CDH4: variants seen among roughly 807,000 people sequenced by gnomAD.
CDH4 encodes the protein cadherin-4.
Under a neutral mutation model 86.0 loss-of-function variants are expected in CDH4, and 33 were observed. The ratio of observed to expected loss-of-function variants is 0.38; its 90% CI spans 0.29 to 0.51. The LOEUF is 0.51. Among genes scored for constraint, CDH4 ranks in the 20% least tolerant of loss-of-function variants. CDH4 has a pLI of 0.86. For synonymous variants in CDH4, 555 were observed against 549.4 expected (o/e 1.01, Z -0.14); for missense variants, 1,114 against 1,307.4 (o/e 0.85, Z 2.28).
intron 2 of CDH4, among the ~76,000 whole-genome samples, chr20:61,642,649 G>A (rs1488828831): frequency 6.6e-6 from 1 of 152,178 alleles, no homozygotes; most frequent in Non-Finnish European, 1.5e-5. Flanking sequence ...TTCCTATTGT[G>A]CTGTAACAAA....
intron 6 of CDH4, among the ~76,000 whole-genome samples, chr20:61,870,212 C>A (rs148401600): frequency 2.0e-5 from 3 of 152,176 alleles, no homozygotes; most frequent in Non-Finnish European, 4.4e-5. Context: ...CTGTCCGATG[C>A]GTGACTGGCC....
intron 5 of CDH4, among the ~76,000 whole-genome samples, chr20:61,850,906 G>A (rs1210253255): frequency 1.3e-5 from 2 of 152,258 alleles, no homozygotes; most frequent in African/African-American, 2.4e-5. Context: ...GGCAGAGGCG[G>A]TATTTCCTCG....
chr20:61,728,984 A>T (rs73316139), intron 2 of CDH4, among the ~76,000 whole-genome samples: 4,977 of 152,232 alleles, frequency 0.033, 278 homozygotes, highest in African/African-American at 0.11. Flanking sequence ...CCCTGCAGTG[A>T]CTCAGGGCAG....
intron 2 of CDH4, among the ~76,000 whole-genome samples, chr20:61,451,283 C>T (rs942025510): frequency 2.0e-5 from 3 of 152,164 alleles, no homozygotes; most frequent in Non-Finnish European, 2.9e-5. Context: ...AAGGAGGAAA[C>T]GGCACGGACC....
intron 4 of CDH4, among the ~76,000 whole-genome samples, chr20:61,785,741 C>T (rs1978848205): frequency 6.6e-6 from 1 of 152,212 alleles, no homozygotes; most frequent in Non-Finnish European, 1.5e-5. Context: ...TTCAGGACAC[C>T]TCCCTTTCAA....
At chr20:61,383,766 G>C (rs2084933728) in intron 2 of CDH4, among the ~76,000 whole-genome samples, 1 of 52,282 alleles carries the variant, frequency 1.9e-5, no homozygotes, top group Non-Finnish European at 3.4e-5. Context: ...TATATATGAA[G>C]ATATATATGC....
At chr20:61,427,576 C>T (rs2085221956) in intron 2 of CDH4, among the ~76,000 whole-genome samples, 1 of 152,012 alleles carries the variant, frequency 6.6e-6, no homozygotes, top group African/African-American at 2.4e-5. Flanking sequence ...TGTCTACCTC[C>T]TGACATATTA....
intron 2 of CDH4, among the ~76,000 whole-genome samples, chr20:61,355,473 C>T (rs774983680): frequency 2.0e-5 from 3 of 152,132 alleles, no homozygotes; most frequent in South Asian, 2.1e-4. Context: ...CCAAGACAAA[C>T]GTGAAAGATG....
At chr20:61,933,757 C>T (rs1023655480) in intron 14 of CDH4, among the ~76,000 whole-genome samples, 3 of 152,076 alleles carry the variant, frequency 2.0e-5, no homozygotes, top group African/African-American at 7.2e-5. Flanking sequence ...CCCCTGAGCA[C>T]TCGGGGCACG....
At chr20:61,451,896 T>G (rs1437844559) in intron 2 of CDH4, among the ~76,000 whole-genome samples, 2 of 152,234 alleles carry the variant, frequency 1.3e-5, no homozygotes, top group African/African-American at 2.4e-5. Flanking sequence ...CCTAGGCACT[T>G]AGATGATTTA....
intron 2 of CDH4, among the ~76,000 whole-genome samples, chr20:61,653,486 G>T (rs2087148150): frequency 7.2e-6 from 1 of 139,214 alleles, no homozygotes; most frequent in Non-Finnish European, 1.6e-5. Context: ...CCGGGCAGAG[G>T]GGCTCCTCAC....
chr20:61,593,284 A>G (rs1292119653), intron 2 of CDH4, among the ~76,000 whole-genome samples: 2 of 152,232 alleles, frequency 1.3e-5, no homozygotes, highest in African/African-American at 4.8e-5. Context: ...CCTGGCTGTT[A>G]GAAGTAAAGC....
chr20:61,564,599 C>G (rs938157489), intron 2 of CDH4, among the ~76,000 whole-genome samples: 3 of 152,194 alleles, frequency 2.0e-5, no homozygotes, highest in Non-Finnish European at 4.4e-5. Flanking sequence ...CCACCAGGAG[C>G]AGATGCCAGC....
chr20:61,418,811 G>T (rs767355874), intron 2 of CDH4, among the ~76,000 whole-genome samples: 1 of 152,146 alleles, frequency 6.6e-6, no homozygotes, highest in Non-Finnish European at 1.5e-5. Context: ...TGTCCAGGCT[G>T]CAGTGAGCTG....
chr20:61,920,304 TTGTG>T (rs201737780), intron 9 of CDH4, among the ~76,000 whole-genome samples: 7 of 137,944 alleles, frequency 5.1e-5, no homozygotes, highest in Non-Finnish European at 7.8e-5. Flanking sequence ...GGTATCGTGA[TTGTG>T]TGGAAGCGTG....
chr20:61,777,173 G>A (rs963689987), intron 4 of CDH4, among the ~76,000 whole-genome samples: 3 of 152,188 alleles, frequency 2.0e-5, no homozygotes, highest in Non-Finnish European at 4.4e-5. Flanking sequence ...GAGGCTTCCT[G>A]AAGACAAGGA....
intron 9 of CDH4, among the ~76,000 whole-genome samples, chr20:61,921,901 C>G (rs1197379791): frequency 1.3e-5 from 2 of 152,198 alleles, no homozygotes; most frequent in African/African-American, 2.4e-5. Flanking sequence ...CACGATGTTT[C>G]TTTCTGCAAA....
At chr20:61,504,486 C>T (rs1385592270) in intron 2 of CDH4, among the ~76,000 whole-genome samples, 2 of 152,124 alleles carry the variant, frequency 1.3e-5, no homozygotes, top group African/African-American at 4.8e-5. Context: ...CAGGGGATCT[C>T]AACGGGGGGC....
rs2086105907 is a variant in CDH4 at position 61,548,630 on chromosome 20, G to A, written c.170-194933G>A. ...GTTTATACAAACTTAAATTATCAGG[G>A]TGTAGCAACTAAATTGCCTCTAAAA... is the stretch of plus-strand genomic sequence containing the variant. On this transcript the variant is annotated intron_variant, in intron 2 of 15. Coordinates refer to ENST00000614565, the MANE Select transcript of CDH4 (RefSeq NM_001794.5). Among the ~76,000 whole-genome samples the A allele has an allele frequency of 3.3e-5, 5 of 152,230 alleles. No individual in the cohort carries two copies. In the Middle Eastern group the frequency reaches 0.014, roughly 414 times the overall value.
Sources: allele counts gnomAD v4.1 joint callset (sites outside exome capture counted in the v4.1 genomes callset), GRCh38; gene constraint gnomAD v4.1.1; transcripts MANE v1.5; gene names NCBI Gene and HGNC (gene_info 2026-07-23, HGNC 2026-07-21).